OPCML: variants seen among roughly 807,000 people sequenced by gnomAD.
The protein encoded by OPCML is opioid binding protein/cell adhesion molecule like.
A neutral mutation model predicts 37.8 loss-of-function variants in OPCML; 13 were observed. That is an observed-to-expected ratio of 0.34 (90% CI 0.22 to 0.55). The LOEUF (loss-of-function observed/expected upper bound fraction) is 0.55. Ranked by LOEUF, OPCML falls within the 20% of genes least tolerant of loss-of-function variation. The pLI is 0.91. For missense variants in OPCML, 341 were observed against 435.6 expected (o/e 0.78, Z 1.93); for synonymous variants, 176 against 168.8 (o/e 1.04, Z -0.33).
intron 1 of OPCML, among the ~76,000 whole-genome samples, chr11:133,202,168 G>A (rs928402684): frequency 6.6e-6 from 1 of 152,166 alleles, no homozygotes; most frequent in African/African-American, 2.4e-5. Flanking sequence ...CCGAGGTAAC[G>A]TTGCCCAGAG....
chr11:132,839,085 G>A (rs972757754), intron 2 of OPCML, among the ~76,000 whole-genome samples: 1 of 152,162 alleles, frequency 6.6e-6, no homozygotes, highest in African/African-American at 2.4e-5. Flanking sequence ...CCCAAACACC[G>A]CATTTTCCTC....
intron 2 of OPCML, among the ~76,000 whole-genome samples, chr11:132,722,024 C>T (rs1191671495): frequency 1.0e-4 from 13 of 125,284 alleles, no homozygotes; most frequent in East Asian, 2.7e-4. Context: ...GGAGTGATCT[C>T]GGCTCACTGC....
chr11:133,005,258 A>G (rs2136859401), intron 1 of OPCML: 1 of 985,456 alleles, frequency 1.0e-6, no homozygotes, highest in East Asian at 1.1e-4. Context: ...TAGTGGAAAA[A>G]GTGCATGAAT....
chr11:132,891,504 A>G (rs1305650300), intron 2 of OPCML, among the ~76,000 whole-genome samples: 1 of 152,232 alleles, frequency 6.6e-6, no homozygotes, highest in Non-Finnish European at 1.5e-5. Flanking sequence ...ATATGCAAAT[A>G]AACTAGATAT....
At chr11:133,068,526 C>G (rs1948475075) in intron 1 of OPCML, among the ~76,000 whole-genome samples, 1 of 152,192 alleles carries the variant, frequency 6.6e-6, no homozygotes, top group Admixed American at 6.5e-5. Context: ...TGTTTAGGTT[C>G]TGGTATGCAC....
chr11:132,950,644 T>C (rs2136696099), intron 1 of OPCML, among the ~76,000 whole-genome samples: 1 of 152,238 alleles, frequency 6.6e-6, no homozygotes, highest in Middle Eastern at 3.4e-3. Context: ...TCATAAAAAA[T>C]AGTGGTAAAG....
chr11:133,175,098 T>C (rs927740822), intron 1 of OPCML, among the ~76,000 whole-genome samples: 5 of 152,246 alleles, frequency 3.3e-5, no homozygotes, highest in Non-Finnish European at 7.3e-5. Flanking sequence ...AGTAGAATTT[T>C]AGCTAACTTA....
At chr11:132,656,440 G>A (rs1425488341) in intron 3 of OPCML, among the ~76,000 whole-genome samples, 2 of 152,172 alleles carry the variant, frequency 1.3e-5, no homozygotes, top group African/African-American at 2.4e-5. Flanking sequence ...GTTTTTAAAG[G>A]AGAATGGAAG....
chr11:132,508,868 G>A (rs1038512274), intron 4 of OPCML, among the ~76,000 whole-genome samples: 23 of 152,218 alleles, frequency 1.5e-4, no homozygotes, highest in African/African-American at 5.5e-4. Context: ...CAGTAAATTG[G>A]TACCAGAAGT....
chr11:133,136,828 CGTGTGTGTGTGTGTGT>C (rs141952561), intron 1 of OPCML, among the ~76,000 whole-genome samples: 3,630 of 126,374 alleles, frequency 0.029, 66 homozygotes, highest in South Asian at 0.064. Context: ...TCTATGTGCA[CGTGTGTGTGTGTGTGT>C]GTGTGTGTGT....
intron 1 of OPCML, among the ~76,000 whole-genome samples, chr11:133,108,202 G>A (rs1949190745): frequency 6.6e-6 from 1 of 152,200 alleles, no homozygotes; most frequent in Admixed American, 6.5e-5. Flanking sequence ...TTGCTGATCA[G>A]TGTCAAGGTA....
At chr11:133,318,736 T>C (rs1015556631) in intron 1 of OPCML, among the ~76,000 whole-genome samples, 2 of 152,204 alleles carry the variant, frequency 1.3e-5, no homozygotes, top group Non-Finnish European at 2.9e-5. Context: ...CCATTCTCTA[T>C]GCCTAAAAAT....
chr11:132,630,161 AC>A (rs978561254), intron 3 of OPCML, among the ~76,000 whole-genome samples: 1 of 152,248 alleles, frequency 6.6e-6, no homozygotes, highest in Non-Finnish European at 1.5e-5. Flanking sequence ...GTGATTATAC[AC>A]CAATTAATTC....
intron 1 of OPCML, among the ~76,000 whole-genome samples, chr11:133,076,878 C>T (rs1948628955): frequency 6.6e-6 from 1 of 152,118 alleles, no homozygotes; most frequent in Admixed American, 6.5e-5. Context: ...CTCTGCCAAG[C>T]AGGTGAAGGC....
rs184925060 is a variant in OPCML at position 133,229,752 on chromosome 11, T to G, written c.62-286742A>C. 5.9e-5 allele frequency among the ~76,000 whole-genome samples: 9 copies of G among 152,272 alleles called. No individual in the cohort carries two copies. In the East Asian group the frequency reaches 1.7e-3, roughly 29 times the overall value. On this transcript the variant is annotated intron_variant, in intron 1 of 7. Coordinates refer to ENST00000524381, the MANE Select transcript of OPCML (RefSeq NM_001012393.5). ...GGGCTTGGAGTATATTCCCTGAGGG[T>G]AAGGGGGAACTGCTGGACAAGTTTT...
At chr11:132,485,243 T>C (rs1168963783) in intron 4 of OPCML, among the ~76,000 whole-genome samples, 2 of 152,128 alleles carry the variant, frequency 1.3e-5, no homozygotes, top group African/African-American at 2.4e-5. Flanking sequence ...TTACTTTGTA[T>C]TGCATGCATT....
intron 1 of OPCML, among the ~76,000 whole-genome samples, chr11:133,425,899 A>G (rs928093873): frequency 1.3e-5 from 2 of 152,206 alleles, no homozygotes; most frequent in Non-Finnish European, 2.9e-5. Flanking sequence ...AAATAAAATA[A>G]AGACCTTTTC....
intron 2 of OPCML, among the ~76,000 whole-genome samples, chr11:132,844,794 G>A (rs1399551738): frequency 6.6e-6 from 1 of 152,088 alleles, no homozygotes; most frequent in Non-Finnish European, 1.5e-5. Context: ...CATGTGGCAA[G>A]TGAGAGTTGG....
At chr11:132,980,960 C>T (rs1298872419) in intron 1 of OPCML, among the ~76,000 whole-genome samples, 1 of 152,228 alleles carries the variant, frequency 6.6e-6, no homozygotes, top group Non-Finnish European at 1.5e-5. Flanking sequence ...AGAGCACTTA[C>T]ACAAACCTAT....
Sources: allele counts gnomAD v4.1 joint callset (sites outside exome capture counted in the v4.1 genomes callset), GRCh38; gene constraint gnomAD v4.1.1; transcripts MANE v1.5; gene names NCBI Gene and HGNC (gene_info 2026-07-23, HGNC 2026-07-21).